The following SPOUT1 variants were observed in gnomAD, a reference collection of about 807,000 sequenced individuals.
SPOUT1 encodes 28S rRNA (uridine-N(3))-methyltransferase.
In SPOUT1, 40 loss-of-function variants were observed where a neutral mutation model predicts 54.8. That is an observed-to-expected ratio of 0.73 (90% CI 0.57 to 0.95). The LOEUF (loss-of-function observed/expected upper bound fraction) is 0.95. Ranked by LOEUF, SPOUT1 falls within the 40% of genes least tolerant of loss-of-function variation. The probability of loss-of-function intolerance (pLI) is 0.00; values close to 1 mark genes in which losing one functional copy is unlikely to be tolerated. For synonymous variants in SPOUT1, 193 were observed against 200.3 expected, an observed-to-expected ratio of 0.96 and a Z score of 0.31; for missense variants, 437 against 499.5, an observed-to-expected ratio of 0.87 and a Z score of 1.19.
Position 128,824,001 on chromosome 9 carries a change from C to T in SPOUT1, c.914+71G>A, listed in dbSNP as rs1028951431. 37 of 1,573,262 alleles carry T rather than the reference C, an allele frequency of 2.4e-5. No homozygotes were observed. The East Asian group carries it at 7.6e-4, about 32-fold the overall frequency. On this transcript the variant is annotated intron_variant, in intron 10 of 11. Transcript: ENST00000361256. Reference sequence around the variant, plus strand: ...CCCAGACAGCAGGGGCCCATCTGTGCAGCTTCACCCACCAGGCAGGTTCCT... The same window carrying T: ...CCCAGACAGCAGGGGCCCATCTGTGTAGCTTCACCCACCAGGCAGGTTCCT...
At chr9:128,822,953 T>C (rs1358948560) in intron 11 of SPOUT1, 120 bp from the exon 12 acceptor site, 2 of 694,306 alleles carry the variant, frequency 2.9e-6, no homozygotes, top group Non-Finnish European at 4.8e-6. Flanking sequence ...CTGTCCTTAG[T>C]AGGGCCTGGT....
chr9:128,829,352 A>C (rs1830303994), intron 1 of SPOUT1, among the ~76,000 whole-genome samples, 197 bp from the exon 2 acceptor site: 2 of 152,198 alleles, frequency 1.3e-5, no homozygotes, highest in Non-Finnish European at 2.9e-5. Context: ...CCAGCCTGGC[A>C]CACAGAAAGC....
In SPOUT1 at chr9:128,824,970, C is replaced by T. The variant is rs1280439327; in HGVS notation, c.712+7G>A. ...CCAACCCAGGGGTTGGGGAACCTTC[C>T]AGATACCTGGGTGCTGCTGCTGGTT... On this transcript the variant is annotated splice_region_variant and intron_variant, in intron 8 of 11. Coordinates refer to ENST00000361256, the MANE Select transcript of SPOUT1 (RefSeq NM_016390.4). 2 of 1,600,960 alleles carry T rather than the reference C, an allele frequency of 1.2e-6. No homozygotes were observed. Among genetic ancestry groups the T allele is most frequent in the Non-Finnish European group, 1.7e-6 (2 of 1,173,110 alleles).
Position 128,820,952 on chromosome 9 carries a change from C to A in SPOUT1, c.*1813G>T. On this transcript the variant is annotated 3_prime_UTR_variant, in exon 12 of 12. Coordinates refer to ENST00000361256, the MANE Select transcript of SPOUT1 (RefSeq NM_016390.4). ...CCCAGGCTCTGGGTCAATACCAGTT[C>A]CCTACTCATCTGGTTTCTTGGCAAG... 1.0e-6 allele frequency: 1 copy of A among 994,514 alleles called. No individual in the cohort carries two copies. The highest frequency in any genetic ancestry group is 1.5e-5 in the South Asian group (1 of 68,470). 61.6% of individuals were successfully genotyped at this position (994,514 alleles called of 1,614,324 possible). A position where few individuals can be genotyped will look rare whatever the true frequency, so the allele number is the denominator to read the frequency against.
At chr9:128,823,651 C>G (rs1205255531) in intron 11 of SPOUT1, 96 bp downstream of exon 11, 1 of 1,165,686 alleles carries the variant, frequency 8.6e-7, no homozygotes, top group Non-Finnish European at 1.2e-6. Context: ...AAGGCAGCCA[C>G]GGGCAAGGGT....
chr9:128,827,014 T>A lies in SPOUT1; in HGVS notation c.368+18A>T. ...TCCCTCTCCCTGAACCCTGGCACCC[T>A]GTGGGATGGCCCCTTACTTGGCATC... On this transcript the variant is annotated intron_variant, in intron 4 of 11. Transcript: ENST00000361256. 1 of 1,611,370 alleles carries A rather than the reference T, an allele frequency of 6.2e-7. No homozygotes were observed. Among genetic ancestry groups the A allele is most frequent in the Non-Finnish European group, 8.5e-7 (1 of 1,178,228 alleles).
At chr9:128,825,152 C>A in intron 7 of SPOUT1, 103 bp from the exon 8 acceptor site, 2 of 817,510 alleles carry the variant, frequency 2.4e-6, no homozygotes, top group Non-Finnish European at 4.1e-6. Flanking sequence ...GGCAAGGGAC[C>A]AAGGGGTCCA....
rs764912881 is a variant in SPOUT1, at chr9:128,825,926, G to C, written c.639+96C>G. On this transcript the variant is annotated intron_variant, in intron 7 of 11. Transcript: ENST00000361256. ...CAAATTTGCATCAGTGAGGGATTTCGGGCAGGTCCAGGGCTCTCCGCAACA... is the reference window on the plus strand; with the variant it reads ...CAAATTTGCATCAGTGAGGGATTTCCGGCAGGTCCAGGGCTCTCCGCAACA... The C allele has an allele frequency of 3.1e-5, 47 of 1,504,206 alleles. No individual in the cohort carries two copies. In the Middle Eastern group the frequency reaches 5.2e-4, roughly 17 times the overall value. The allele number at this position is 1,504,206 out of a possible 1,614,324, so 93.2% of individuals were successfully genotyped here.
At chr9:128,825,935 C>G in intron 7 of SPOUT1, 87 bp downstream of exon 7, 1 of 1,576,508 alleles carries the variant, frequency 6.3e-7, no homozygotes, top group Non-Finnish European at 8.7e-7. Context: ...CGGGCAGGTC[C>G]AGGGCTCTCC....
In SPOUT1 at chr9:128,824,936, C is replaced by T. The variant is rs750661823; in HGVS notation, c.712+41G>A. 18 of 1,597,408 alleles carry T rather than the reference C, an allele frequency of 1.1e-5. No individual in the cohort carries two copies. In the African/African-American group the frequency reaches 2.0e-4, roughly 18 times the overall value. ...GGAAGCAGGTGGCTGAACCCTGGAG[C>T]TCATCAGGCCAACCCAGGGGTTGGG... On this transcript the variant is annotated intron_variant, in intron 8 of 11. Transcript: ENST00000361256.
At chr9:128,827,430 A>C (rs149522755) in intron 3 of SPOUT1, among the ~76,000 whole-genome samples, 3 of 152,242 alleles carry the variant, frequency 2.0e-5, no homozygotes, top group Admixed American at 6.5e-5. Flanking sequence ...GCAATGGCCT[A>C]AGTTCACATC....
rs908371699 is a variant in SPOUT1, at chr9:128,820,014, G to A, written c.*2751C>T. On this transcript the variant is annotated 3_prime_UTR_variant, in exon 12 of 12. Coordinates refer to ENST00000361256, the MANE Select transcript of SPOUT1 (RefSeq NM_016390.4). Reference sequence around the variant, plus strand: ...ACCTCCTGCTGTGTGGCCCGGTTCTGGTACCGGTCTGTAGCCCAGGGGTTG... The same window carrying A: ...ACCTCCTGCTGTGTGGCCCGGTTCTAGTACCGGTCTGTAGCCCAGGGGTTG... 2.0e-5 allele frequency: 3 copies of A among 152,276 alleles called. No homozygotes were observed. The highest frequency in any genetic ancestry group is 7.2e-5 in the African/African-American group (3 of 41,440). The allele number at this position is 152,276 out of a possible 1,614,324, so 9.4% of individuals were successfully genotyped here.
rs1040084678 is a variant in SPOUT1 at position 128,820,723 on chromosome 9, C to G, written c.*2042G>C. The G allele has an allele frequency of 3.1e-6, 5 of 1,597,914 alleles. No homozygotes were observed. The highest frequency in any genetic ancestry group is 1.3e-5 in the African/African-American group (1 of 74,676). ...GTCCCAGCCACAGTCCTGCTAAGCC[C>G]TATCTCTCCTACCAGGTGCCCCACC... On this transcript the variant is annotated 3_prime_UTR_variant, in exon 12 of 12. Coordinates refer to ENST00000361256, the MANE Select transcript of SPOUT1 (RefSeq NM_016390.4).
In SPOUT1 at chr9:128,826,960, G is replaced by C. The variant is rs1830253478; in HGVS notation, c.368+72C>G. 7.4e-6 allele frequency: 11 copies of C among 1,489,906 alleles called. No individual in the cohort carries two copies. The highest frequency in any genetic ancestry group is 3.5e-5 in the Admixed American group (2 of 57,494). 92.3% of individuals were successfully genotyped at this position (1,489,906 alleles called of 1,614,324 possible). On this transcript the variant is annotated intron_variant, in intron 4 of 11. Coordinates refer to ENST00000361256, the MANE Select transcript of SPOUT1 (RefSeq NM_016390.4). The surrounding 1 kb of genome is among the most constrained non-coding windows in gnomAD (Gnocchi z 5.5). ...AGCCAGGCATGTGGACGGGGCCATG[G>C]TGAAGCCTCGGCCCATCCCGGCAGC...
rs751971745 is a variant in SPOUT1, at chr9:128,822,750, G to C, written c.*15C>G. On this transcript the variant is annotated 3_prime_UTR_variant, in exon 12 of 12. Transcript: ENST00000361256. ...TCACTGCTGCTTCACTGATGTCCTC[G>C]GCCCCTTAGAACTTTCAGGTGTGCC... 1.3e-6 allele frequency: 2 copies of C among 1,566,842 alleles called. No homozygotes were observed. The highest frequency in any genetic ancestry group is 1.7e-6 in the Non-Finnish European group (2 of 1,154,620).
rs780964835 is a variant in SPOUT1, at chr9:128,828,787, T to C, written c.156A>G (p.Glu52=). 1.9e-6 allele frequency: 3 copies of C among 1,614,012 alleles called. No homozygotes were observed. The African/African-American group carries it at 4.0e-5, about 22-fold the overall frequency. Residue 52 remains glutamate, a synonymous_variant, in exon 3 of 12, where the codon GAA becomes GAG. Coordinates refer to ENST00000361256, the MANE Select transcript of SPOUT1 (RefSeq NM_016390.4). The stretch of plus-strand genomic sequence containing the variant: ...CCTCCTCTTCCAGGCGCTTTGCCTG[T>C]TCCTCCTGTGCCCGCTGCCGCTCCA... The part of the protein sequence containing the change: ...KKLERQRAQE[E]QAKRLEEEEA...
In SPOUT1 at chr9:128,822,656, TTAAAG is replaced by T; in HGVS notation, c.*104_*108del. 3 of 1,554,906 alleles carry T rather than the reference TTAAAG, an allele frequency of 1.9e-6. No individual in the cohort carries two copies. The highest frequency in any genetic ancestry group is 2.6e-6 in the Non-Finnish European group (3 of 1,148,656). On this transcript the variant is annotated 3_prime_UTR_variant, in exon 12 of 12. Coordinates refer to ENST00000361256, the MANE Select transcript of SPOUT1 (RefSeq NM_016390.4). ...GTGGGTGTGTGCAGGCCGGGGAGTA[TTAAAG>T]GTGGTGATTTTTGGAGACAAGTCTG...
chr9:128,825,925 C>T (rs901724744), intron 7 of SPOUT1, 97 bp downstream of exon 7: 54 of 1,499,902 alleles, frequency 3.6e-5, no homozygotes, highest in African/African-American at 1.8e-4. Flanking sequence ...TGAGGGATTT[C>T]GGGCAGGTCC....
Position 128,827,168 on chromosome 9 carries a change from C to A in SPOUT1, c.232G>T (p.Ala78Ser), listed in dbSNP as rs1243120049. 2 of 1,613,490 alleles carry A rather than the reference C, an allele frequency of 1.2e-6. No homozygotes were observed. Among genetic ancestry groups the A allele is most frequent in the South Asian group, 2.2e-5 (2 of 91,078 alleles). ...DRGRPYTLSV[A>S]LPGSILDNAQ... ...TTGTCCAGGATGGAGCCCGGCAGGGCTACGCTCAGTGTGTAGGGCCGCCCT... is the reference window on the plus strand; with the variant it reads ...TTGTCCAGGATGGAGCCCGGCAGGGATACGCTCAGTGTGTAGGGCCGCCCT... The change falls in exon 4 of 12, where the codon GCC (alanine) becomes TCC (serine). Residue 78 changes from alanine (A) to serine (S), a missense_variant. Transcript: ENST00000361256.
Sources: gnomAD v4.1 joint callset for allele counts (sites outside exome capture counted in the v4.1 genomes callset) on GRCh38, gnomAD v4.1.1 for gene constraint, Gnocchi (gnomAD v3.1) non-coding constraint, MANE v1.5 for transcripts, NCBI Gene and HGNC (gene_info 2026-07-23, HGNC 2026-07-21) for gene names.